SCMH1: variants seen among roughly 807,000 people sequenced by gnomAD.
SCMH1 encodes Scm polycomb group protein homolog 1.
Under a neutral mutation model 70.8 loss-of-function variants are expected in SCMH1, and 37 were observed. That is an observed-to-expected ratio of 0.52 (90% CI 0.40 to 0.69). The LOEUF (loss-of-function observed/expected upper bound fraction) is 0.69. SCMH1 is among the 30% of genes least tolerant of loss of function. The pLI is 0.00. For synonymous variants in SCMH1, 292 were observed against 307.4 expected (o/e 0.95, Z 0.52); for missense variants, 607 against 827.3 (o/e 0.73, Z 3.27).
chr1:41,159,684 T>TA, intron 4 of SCMH1: 1 of 1,508,034 alleles, frequency 6.6e-7, no homozygotes, highest in Non-Finnish European at 8.9e-7. Context: ...TAAAGAATAA[T>TA]AAAAAATAAC....
intron 5 of SCMH1, among the ~76,000 whole-genome samples, chr1:41,147,864 C>T (rs557574753): frequency 6.6e-6 from 1 of 152,086 alleles, no homozygotes; most frequent in South Asian, 2.1e-4. Context: ...TACTTTTAAC[C>T]TATTTAAAGC....
At chr1:41,185,330 C>T (rs1444002792) in intron 2 of SCMH1, among the ~76,000 whole-genome samples, 1 of 152,138 alleles carries the variant, frequency 6.6e-6, no homozygotes, top group Non-Finnish European at 1.5e-5. Context: ...GAACTACAGG[C>T]TCACACCACC....
rs1430367640 is a variant in SCMH1, at chr1:41,113,062, T to G, written c.745+221A>C. ...CCAGGATATGTAGAGCAAAGAATTA[T>G]TACTTTATCCCAAATGCCATATGCG... is the stretch of plus-strand genomic sequence containing the variant. On this transcript the variant is annotated intron_variant, in intron 8 of 14. Coordinates refer to ENST00000337495, the Ensembl canonical transcript of SCMH1. This position sits in a 1 kb window ranked among gnomAD's most constrained non-coding sequence, Gnocchi z 4.3. Among the ~76,000 whole-genome samples the G allele has an allele frequency of 6.6e-6, 1 of 152,182 alleles. No individual in the cohort carries two copies. The highest frequency in any genetic ancestry group is 1.5e-5 in the Non-Finnish European group (1 of 68,028).
At chr1:41,145,720 G>A (rs1431129487) in intron 5 of SCMH1, among the ~76,000 whole-genome samples, 1 of 152,156 alleles carries the variant, frequency 6.6e-6, no homozygotes. Context: ...AACAGACTAT[G>A]TATAGATTGT....
intron 7 of SCMH1, among the ~76,000 whole-genome samples, chr1:41,116,059 C>T (rs572013990): frequency 3.6e-4 from 55 of 152,242 alleles, no homozygotes; most frequent in African/African-American, 1.3e-3. Flanking sequence ...TTTCAATCAA[C>T]TAAGTTTTCT....
chr1:41,151,562 C>T, intron 5 of SCMH1, 52 bp downstream of exon 5: 1 of 1,451,556 alleles, frequency 6.9e-7, no homozygotes. Context: ...GTCTAAAAAC[C>T]ATAAAAAAAT....
intron 12 of SCMH1, chr1:41,043,596 T>C (rs1646515635): frequency 2.0e-5 from 3 of 150,876 alleles, no homozygotes; most frequent in Admixed American, 2.0e-4. Context: ...CTAATTTTTT[T>C]TTTTTTTTTT....
chr1:41,176,465 G>A (rs892707308), intron 2 of SCMH1, among the ~76,000 whole-genome samples: 9 of 152,238 alleles, frequency 5.9e-5, no homozygotes, highest in African/African-American at 1.9e-4. Flanking sequence ...CGCCTCACCT[G>A]GGAAGTGCAA....
At chr1:41,054,852 T>C (rs879547245) in intron 10 of SCMH1, among the ~76,000 whole-genome samples, 4 of 152,172 alleles carry the variant, frequency 2.6e-5, no homozygotes, top group Non-Finnish European at 4.4e-5. Context: ...TGCATGATCA[T>C]AGCTCACTGC....
At chr1:41,135,991 T>A (rs1177602693) in intron 6 of SCMH1, among the ~76,000 whole-genome samples, 3 of 151,914 alleles carry the variant, frequency 2.0e-5, no homozygotes, top group African/African-American at 7.3e-5. Context: ...TCACTCAGGC[T>A]GGAGTGTAGT....
intron 10 of SCMH1, among the ~76,000 whole-genome samples, chr1:41,051,037 A>T (rs1258282175): frequency 6.6e-6 from 1 of 152,214 alleles, no homozygotes; most frequent in Non-Finnish European, 1.5e-5. Context: ...TTTATTCATA[A>T]TAACCCCAAA....
chr1:41,068,229 CA>C (rs1394501135), intron 10 of SCMH1, among the ~76,000 whole-genome samples: 1 of 152,034 alleles, frequency 6.6e-6, no homozygotes, highest in African/African-American at 2.4e-5. Flanking sequence ...AAACTCAATA[CA>C]AAGTTTGGAA....
intron 6 of SCMH1, among the ~76,000 whole-genome samples, chr1:41,123,409 ACT>A (rs922169745): frequency 2.0e-5 from 3 of 152,198 alleles, no homozygotes; most frequent in Non-Finnish European, 4.4e-5. Flanking sequence ...AGCAGTTTAC[ACT>A]GAGATCGTGA....
intron 8 of SCMH1, among the ~76,000 whole-genome samples, chr1:41,089,852 T>C (rs1662881449): frequency 7.4e-6 from 1 of 135,398 alleles, no homozygotes; most frequent in African/African-American, 2.8e-5. Context: ...AGTGCAGTGG[T>C]ACAATCTCAG....
chr1:41,182,275 A>G (rs1649006451), intron 2 of SCMH1, among the ~76,000 whole-genome samples: 1 of 152,226 alleles, frequency 6.6e-6, no homozygotes, highest in African/African-American at 2.4e-5. Context: ...GGTGCAGCAC[A>G]CCAACATGGC....
intron 1 of SCMH1, among the ~76,000 whole-genome samples, chr1:41,230,469 GA>G (rs1475921278): frequency 6.6e-6 from 1 of 151,950 alleles, no homozygotes; most frequent in Non-Finnish European, 1.5e-5. Context: ...GCTTGGGCAA[GA>G]TGGCAAGACT....
intron 1 of SCMH1, among the ~76,000 whole-genome samples, chr1:41,190,822 T>C (rs1240516089): frequency 1.3e-5 from 2 of 152,218 alleles, no homozygotes; most frequent in Non-Finnish European, 2.9e-5. Context: ...ATCTACCATT[T>C]ACTGGCACTG....
intron 10 of SCMH1, among the ~76,000 whole-genome samples, chr1:41,060,205 A>G (rs183965490): frequency 1.3e-5 from 2 of 151,108 alleles, no homozygotes; most frequent in East Asian, 3.9e-4. Context: ...GGAAGGAAAA[A>G]TGCCAAAAAC....
chr1:41,029,995 C>G (rs1056151156), intron 13 of SCMH1, among the ~76,000 whole-genome samples: 1 of 152,168 alleles, frequency 6.6e-6, no homozygotes, highest in Non-Finnish European at 1.5e-5. Flanking sequence ...GGGAGGATTG[C>G]TTGAGCCCAG....
Sources: gnomAD v4.1 joint callset for allele counts (sites outside exome capture counted in the v4.1 genomes callset) on GRCh38, gnomAD v4.1.1 for gene constraint, Gnocchi (gnomAD v3.1) non-coding constraint, MANE v1.5 for transcripts, NCBI Gene and HGNC (gene_info 2026-07-23, HGNC 2026-07-21) for gene names.